The following TMEM184A variants were observed in gnomAD, a reference collection of about 807,000 sequenced individuals.
TMEM184A encodes the protein transmembrane protein 184A.
TMEM184A carries 40 observed loss-of-function variants against 39.5 expected under a neutral mutation model. The observed-to-expected ratio is 1.01, with a 90% CI of 0.79 to 1.32. TMEM184A has a LOEUF of 1.32. Ranked by LOEUF, TMEM184A falls within the 40% of genes most tolerant of loss-of-function variation. TMEM184A has a pLI of 0.00. For synonymous variants in TMEM184A, 280 were observed against 252.3 expected (o/e 1.11, Z -1.04); for missense variants, 603 against 568.8 (o/e 1.06, Z -0.61).
chr7:1,550,416 G>GACCGGCTGTGAGCCCTGAGCTGC, intron 3 of TMEM184A, 21 bp from the exon 4 acceptor site: 1 of 1,589,530 alleles, frequency 6.3e-7, no homozygotes, highest in Non-Finnish European at 8.6e-7. Context: ...CACAGAGGGG[G>GACCGGCTGTGAGCCCTGAGCTGC]ACCGGCTGTG....
rs924841817 is a variant in TMEM184A at position 1,543,619 on chromosome 7, C to G, written c.*3333G>C. ...GAACGCTGTTCAGTGCTGGACCACG[C>G]AGGGTGAAATCCCAACTCGAGTTTT... On this transcript the variant is annotated 3_prime_UTR_variant, in exon 9 of 9. Transcript: ENST00000297477. 6.6e-6 allele frequency: 1 copy of G among 152,352 alleles called. No homozygotes were observed. The highest frequency in any genetic ancestry group is 1.9e-4 in the East Asian group (1 of 5,188). 9.4% of individuals were successfully genotyped at this position (152,352 alleles called of 1,614,324 possible). A position where few individuals can be genotyped will look rare whatever the true frequency, so the allele number is the denominator to read the frequency against.
chr7:1,547,875 G>C lies in TMEM184A; in HGVS notation c.879C>G (p.Asn293Lys), dbSNP rs766099750. 1 of 1,600,700 alleles carries C rather than the reference G, an allele frequency of 6.2e-7. No individual in the cohort carries two copies. The highest frequency in any genetic ancestry group is 8.5e-7 in the Non-Finnish European group (1 of 1,174,288). ...VIPEVETSGGNKLGAGTLAAG... is the reference protein window; with the variant it reads ...VIPEVETSGGKKLGAGTLAAG... ...CGGCCAGCGTGCCAGCCCCCAGCTT[G>C]TTCCCGCCGCTGGTCTCCACCTCCG... is the stretch of plus-strand genomic sequence containing the variant. The change falls in exon 8 of 9, where the codon AAC becomes AAG. Residue 293 changes from asparagine (N) to lysine (K), a missense_variant. Coordinates refer to ENST00000297477, the MANE Select transcript of TMEM184A (RefSeq NM_001097620.2).
chr7:1,550,874 G>C lies in TMEM184A; in HGVS notation c.328C>G (p.Leu110Val), dbSNP rs1784563518. 3 of 1,613,632 alleles carry C rather than the reference G, an allele frequency of 1.9e-6. No homozygotes were observed. The highest frequency in any genetic ancestry group is 1.3e-5 in the African/African-American group (1 of 74,944). The change falls in exon 3 of 9, where the codon CTC becomes GTC. Residue 110 changes from leucine (L) to valine (V), a missense_variant. Leu to Val is a conservative substitution (Grantham distance 32). Coordinates refer to ENST00000297477, the MANE Select transcript of TMEM184A (RefSeq NM_001097620.2). Reference sequence around the variant, plus strand: ...ACGTAGTACTGGTGGTCTCCGAGGAGGAGGAGGCTGAGCCAGGAGTCGAAG... The same window carrying C: ...ACGTAGTACTGGTGGTCTCCGAGGACGAGGAGGCTGAGCCAGGAGTCGAAG... ...YAFDSWLSLL[L>V]LGDHQYYVYF...
In TMEM184A at chr7:1,555,418, G is replaced by C; in HGVS notation, c.67C>G (p.Pro23Ala). 1 of 1,611,634 alleles carries C rather than the reference G, an allele frequency of 6.2e-7. No individual in the cohort carries two copies. Among genetic ancestry groups the C allele is most frequent in the South Asian group, 1.1e-5 (1 of 91,050 alleles). ...GCTGGCACAGCCGGTGGGGGGCTGG[G>C]CTGCGGCCAGTTCGCTGACACCAGG... The part of the protein sequence containing the change: ...VPLVSANWPQ[P>A]SPPPAVPAGP... Residue 23 changes from proline to alanine, a missense_variant, in exon 2 of 9, where the codon CCC becomes GCC. Physicochemically the swap from Pro to Ala is conservative, Grantham distance 27 (BLOSUM62 -1). Coordinates refer to ENST00000297477, the MANE Select transcript of TMEM184A (RefSeq NM_001097620.2). This position sits in a 1 kb window ranked among gnomAD's most constrained non-coding sequence, Gnocchi z 5.2.
chr7:1,555,842 C>T lies in TMEM184A; in HGVS notation c.-1+272G>A, dbSNP rs181643583. 3 of 327,772 alleles carry T rather than the reference C, an allele frequency of 9.2e-6. No individual in the cohort carries two copies. The highest frequency in any genetic ancestry group is 4.5e-5 in the African/African-American group (2 of 44,806). The allele number at this position is 327,772 out of a possible 1,614,324, so 20.3% of individuals were successfully genotyped here. A position where few individuals can be genotyped will look rare whatever the true frequency, so the allele number is the denominator to read the frequency against. On this transcript the variant is annotated intron_variant, in intron 1 of 8. Coordinates refer to ENST00000297477, the MANE Select transcript of TMEM184A (RefSeq NM_001097620.2). This position sits in a 1 kb window ranked among gnomAD's most constrained non-coding sequence, Gnocchi z 5.2. ...GGGAACCCCTGCCGCCCTGCCTGCCCGGGAGGGCTGGGGAGCGGGCGCAGA... is the reference window on the plus strand; with the variant it reads ...GGGAACCCCTGCCGCCCTGCCTGCCTGGGAGGGCTGGGGAGCGGGCGCAGA...
chr7:1,550,493 C>T, intron 3 of TMEM184A, 98 bp from the exon 4 acceptor site: 1 of 1,023,546 alleles, frequency 9.8e-7, no homozygotes. Context: ...TCGGGAGGGG[C>T]TGAGCCCAGC....
At position 1,542,950 on chromosome 7, in the gene TMEM184A, C is replaced by G. The variant is rs1028466448; in HGVS notation, c.*4002G>C. The G allele has an allele frequency of 6.5e-6, 1 of 152,720 alleles. No homozygotes were observed. The highest frequency in any genetic ancestry group is 1.5e-5 in the Non-Finnish European group (1 of 68,094). The allele number at this position is 152,720 out of a possible 1,614,324, so 9.5% of individuals were successfully genotyped here. A position where few individuals can be genotyped will look rare whatever the true frequency, so the allele number is the denominator to read the frequency against. On this transcript the variant is annotated 3_prime_UTR_variant, in exon 9 of 9. Coordinates refer to ENST00000297477, the MANE Select transcript of TMEM184A (RefSeq NM_001097620.2). The stretch of plus-strand genomic sequence containing the variant: ...CCGTGTCTGGCCGCCGCCGCCCTGC[C>G]CCGTCCCTGCGGCCACCACCTAATT...
Position 1,550,846 on chromosome 7 carries a change from T to A in TMEM184A, c.356A>T (p.Tyr119Phe). The stretch of plus-strand genomic sequence containing the variant: ...GTAGCAGTCCCGCACAGAGTCGAAG[T>A]AGACGTAGTACTGGTGGTCTCCGAG... ...LLLGDHQYYV[Y>F]FDSVRDCYEA... Residue 119 changes from tyrosine to phenylalanine, a missense_variant, in exon 3 of 9, where the codon TAC becomes TTC. Transcript: ENST00000297477. 1.2e-6 allele frequency: 2 copies of A among 1,613,408 alleles called. No individual in the cohort carries two copies. Among genetic ancestry groups the A allele is most frequent in the South Asian group, 1.1e-5 (1 of 91,084 alleles).
chr7:1,551,253 G>C (rs1784583949), intron 2 of TMEM184A, among the ~76,000 whole-genome samples: 2 of 138,274 alleles, frequency 1.4e-5, no homozygotes, highest in African/African-American at 5.5e-5. Context: ...AGGTGAGCCG[G>C]GAAGGAGGTG....
Position 1,542,877 on chromosome 7 carries a change from C to G in TMEM184A, c.*4075G>C, listed in dbSNP as rs1273657660. On this transcript the variant is annotated 3_prime_UTR_variant, in exon 9 of 9. Coordinates refer to ENST00000297477, the MANE Select transcript of TMEM184A (RefSeq NM_001097620.2). The stretch of plus-strand genomic sequence containing the variant: ...TCCATTTCATTATTTATTTTTTGTG[C>G]TGCTTTTTATCATGATATAAATTAT... 1 of 152,636 alleles carries G rather than the reference C, an allele frequency of 6.6e-6. No homozygotes were observed. The highest frequency in any genetic ancestry group is 1.5e-5 in the Non-Finnish European group (1 of 68,052). 9.5% of individuals were successfully genotyped at this position (152,636 alleles called of 1,614,324 possible).
intron 5 of TMEM184A, 25 bp downstream of exon 5, chr7:1,550,098 C>T (rs762497806): frequency 3.8e-5 from 31 of 820,096 alleles, no homozygotes; most frequent in East Asian, 1.1e-4. Flanking sequence ...GGGAGGAGGG[C>T]GGGCAGGGCT....
At chr7:1,554,262 G>A (rs1275067104) in intron 2 of TMEM184A, among the ~76,000 whole-genome samples, 2 of 152,272 alleles carry the variant, frequency 1.3e-5, no homozygotes, top group African/African-American at 4.8e-5. Context: ...TCACTGAGAT[G>A]CTCCCTCGGA....
chr7:1,550,070 C>A, intron 5 of TMEM184A, 53 bp downstream of exon 5: 2 of 1,584,052 alleles, frequency 1.3e-6, no homozygotes, highest in Non-Finnish European at 1.7e-6. Flanking sequence ...CCGGCTAGGG[C>A]CCCTGACGGG....
rs1784565931 is a variant in TMEM184A, at chr7:1,550,934, T to C, written c.268A>G (p.Ile90Val). The change falls in exon 3 of 9, where the codon ATC becomes GTC. Residue 90 changes from isoleucine to valine, a missense_variant. Physicochemically the swap from Ile to Val is conservative, Grantham distance 29. Coordinates refer to ENST00000297477, the MANE Select transcript of TMEM184A (RefSeq NM_001097620.2). Reference sequence around the variant, plus strand: ...GGCACGATGAGGAGCAGGCGGATGATGTAACGTTGCTCCTGTGGCACGGTG... The same window carrying C: ...GGCACGATGAGGAGCAGGCGGATGACGTAACGTTGCTCCTGTGGCACGGTG... ...SYTVPQEQRY[I>V]IRLLLIVPIY... The C allele has an allele frequency of 6.2e-7, 1 of 1,613,468 alleles. No homozygotes were observed. Among genetic ancestry groups the C allele is most frequent in the Non-Finnish European group, 8.5e-7 (1 of 1,179,918 alleles).
At chr7:1,551,809 C>T (rs985566014) in intron 2 of TMEM184A, among the ~76,000 whole-genome samples, 7 of 151,936 alleles carry the variant, frequency 4.6e-5, no homozygotes, top group Admixed American at 6.6e-5. Context: ...TGGTGGCGCG[C>T]GCCTGTAATC....
In TMEM184A at chr7:1,549,733, G is replaced by A. The variant is rs535360245; in HGVS notation, c.644+121C>T. ...TGCCCACCTCATGCCAGGTGCCCCCGCAGCTCCCACCTTACTTGAGCCCAG... is the reference window on the plus strand; with the variant it reads ...TGCCCACCTCATGCCAGGTGCCCCCACAGCTCCCACCTTACTTGAGCCCAG... On this transcript the variant is annotated intron_variant, in intron 6 of 8. Transcript: ENST00000297477. 433 of 900,010 alleles carry A rather than the reference G, an allele frequency of 4.8e-4. 2 individuals carry two copies. In the African/African-American group the frequency reaches 6.4e-3, roughly 13 times the overall value. The allele number at this position is 900,010 out of a possible 1,614,324, so 55.8% of individuals were successfully genotyped here. A position where few individuals can be genotyped will look rare whatever the true frequency, so the allele number is the denominator to read the frequency against.
intron 3 of TMEM184A, 67 bp from the exon 4 acceptor site, chr7:1,550,462 C>A: frequency 7.4e-7 from 1 of 1,359,944 alleles, no homozygotes; most frequent in Non-Finnish European, 1.0e-6. Context: ...TGGCGCCCAT[C>A]TCACCAGGGC....
chr7:1,548,024 T>C (rs940868830), intron 7 of TMEM184A, 85 bp from the exon 8 acceptor site: 12 of 1,420,986 alleles, frequency 8.4e-6, no homozygotes, highest in Non-Finnish European at 1.1e-5. Flanking sequence ...GCGGCTCCTC[T>C]GACGGGTGCT....
rs1225831975 is a variant in TMEM184A, at chr7:1,542,285, T to G, written c.*4667A>C. 1 of 152,620 alleles carries G rather than the reference T, an allele frequency of 6.6e-6. No homozygotes were observed. The highest frequency in any genetic ancestry group is 2.4e-5 in the African/African-American group (1 of 41,458). The allele number at this position is 152,620 out of a possible 1,614,324, so 9.5% of individuals were successfully genotyped here. ...TTTATCTACAGATTTTTCGTAACAA[T>G]CTTTCTTTTCCAGTTTGATACTGTA... On this transcript the variant is annotated 3_prime_UTR_variant, in exon 9 of 9. Transcript: ENST00000297477.
Sources: gnomAD v4.1 joint callset for allele counts (sites outside exome capture counted in the v4.1 genomes callset) on GRCh38, gnomAD v4.1.1 for gene constraint, Gnocchi (gnomAD v3.1) non-coding constraint, MANE v1.5 for transcripts, NCBI Gene and HGNC (gene_info 2026-07-23, HGNC 2026-07-21) for gene names.